The following OVCH1 variants were observed in gnomAD, a reference collection of about 807,000 sequenced individuals.
OVCH1 encodes ovochymase 1.
A neutral mutation model predicts 138.4 loss-of-function variants in OVCH1; 139 were observed. The observed-to-expected ratio is 1.00, with a 90% CI of 0.87 to 1.16. The LOEUF (loss-of-function observed/expected upper bound fraction) is 1.16. OVCH1 is among the 50% of genes most tolerant of loss of function. The probability of loss-of-function intolerance (pLI) is 0.00; values close to 1 mark genes in which losing one functional copy is unlikely to be tolerated. For missense variants in OVCH1, 1,367 were observed against 1,357.9 expected, an observed-to-expected ratio of 1.01 and a Z score of -0.11; for synonymous variants, 453 against 467.8, an observed-to-expected ratio of 0.97 and a Z score of 0.41.
intron 12 of OVCH1, among the ~76,000 whole-genome samples, chr12:29,476,631 T>C (rs1942725636): frequency 6.6e-6 from 1 of 152,178 alleles, no homozygotes; most frequent in South Asian, 2.1e-4. Context: ...GTTTAATGTG[T>C]TCTGAAATAT....
chr12:29,497,525 T>C (rs1943451842), intron 1 of OVCH1, 98 bp downstream of exon 1: 5 of 1,411,400 alleles, frequency 3.5e-6, no homozygotes, highest in Admixed American at 2.0e-5. Flanking sequence ...GGTGTGGCTA[T>C]ACCACCCCGA....
Position 29,455,243 on chromosome 12 carries a change from A to G in OVCH1, c.2437+6T>C, listed in dbSNP as rs769609688. On this transcript the variant is annotated splice_donor_region_variant and intron_variant, in intron 20 of 27. Transcript: ENST00000318184. Reference sequence around the variant, plus strand: ...ATTGTTTTAATAACATTTGAAAACAATTTACCATTGATTTTTGATTGGATC... The same window carrying G: ...ATTGTTTTAATAACATTTGAAAACAGTTTACCATTGATTTTTGATTGGATC... 8 of 1,611,626 alleles carry G rather than the reference A, an allele frequency of 5.0e-6. No individual in the cohort carries two copies. The East Asian group carries it at 8.9e-5, about 18-fold the overall frequency.
At chr12:29,421,152 A>G (rs1402853403) in intron 3 of OVCH1, among the ~76,000 whole-genome samples, 1 of 152,226 alleles carries the variant, frequency 6.6e-6, no homozygotes, top group African/African-American at 2.4e-5. Context: ...GACATTGCAG[A>G]TGCAGCACAG....
chr12:29,426,447 A>G (rs1192371348), downstream of OVCH1, among the ~76,000 whole-genome samples: 1 of 152,214 alleles, frequency 6.6e-6, no homozygotes, highest in Non-Finnish European at 1.5e-5. Context: ...TGAGAAACTG[A>G]AAAGTCCCAA....
In OVCH1 at chr12:29,476,955, G is replaced by T. The variant is rs765075425; in HGVS notation, c.1377+147C>A. ...GAAAGTTTTCAAAACCACTCACAGA[G>T]ATTTCTTTTCAGAGTAAAAAAAAAT... On this transcript the variant is annotated intron_variant, in intron 12 of 27. Transcript: ENST00000318184. 10 of 978,112 alleles carry T rather than the reference G, an allele frequency of 1.0e-5. No homozygotes were observed. In the Middle Eastern group the frequency reaches 1.6e-3, roughly 159 times the overall value. The allele number at this position is 978,112 out of a possible 1,614,324, so 60.6% of individuals were successfully genotyped here.
chr12:29,430,903 C>T (rs1381304175), intron 27 of OVCH1: 1 of 518,418 alleles, frequency 1.9e-6, no homozygotes, highest in Non-Finnish European at 3.9e-6. Context: ...TTTCCCAGTA[C>T]CTCTAGCTGC....
Position 29,490,319 on chromosome 12 carries a change from A to G in OVCH1, c.551-548T>C, listed in dbSNP as rs1198614423. ...GCTGGTCTGGAACTGCTGGGCTCCC[A>G]TCTTCCTGCCTTGGCCTCCCAAAGT... On this transcript the variant is annotated intron_variant, in intron 5 of 27. Coordinates refer to ENST00000318184, the Ensembl canonical transcript of OVCH1. Among the ~76,000 whole-genome samples the G allele has an allele frequency of 2.6e-5, 4 of 152,112 alleles. No homozygotes were observed. The East Asian group carries it at 7.7e-4, about 29-fold the overall frequency.
chr12:29,415,289 CTG>C (rs931569967), intron 3 of OVCH1, among the ~76,000 whole-genome samples: 1 of 152,134 alleles, frequency 6.6e-6, no homozygotes, highest in Non-Finnish European at 1.5e-5. Context: ...GTAATGACGA[CTG>C]TGGATATTAG....
In OVCH1 at chr12:29,439,342, AT is replaced by A. The variant is rs748045012; in HGVS notation, c.3249del (p.Trp1084GlyfsTer9). 2 of 1,539,084 alleles carry A rather than the reference AT, an allele frequency of 1.3e-6. No individual in the cohort carries two copies. Among genetic ancestry groups the A allele is most frequent in the South Asian group, 2.6e-5 (2 of 77,048 alleles). On this transcript the variant is annotated frameshift_variant, in exon 26 of 28. Coordinates refer to ENST00000318184, the Ensembl canonical transcript of OVCH1. LOFTEE classifies it high-confidence loss of function. Reference sequence around the variant, plus strand: ...GAGTTACTCACCACTGAATTTTCCCATATATGCATGATATATGTGTTAATAA... The same window carrying A: ...GAGTTACTCACCACTGAATTTTCCCAATATGCATGATATATGTGTTAATAA...
chr12:29,407,622 T>C (rs1388263076), downstream of OVCH1, among the ~76,000 whole-genome samples: 3 of 152,042 alleles, frequency 2.0e-5, no homozygotes, highest in Admixed American at 6.6e-5. Flanking sequence ...GTTGTAGATA[T>C]GCAGCATTGT....
the OVCH1 span, among the ~76,000 whole-genome samples, chr12:29,404,954 G>A: frequency 6.9e-5 from 10 of 145,880 alleles, no homozygotes; most frequent in Non-Finnish European, 1.2e-4. Context: ...CCCAGGAGGC[G>A]GAGGTTGCAG....
intron 21 of OVCH1, among the ~76,000 whole-genome samples, chr12:29,454,610 G>T (rs1422776003): frequency 6.6e-6 from 1 of 152,118 alleles, no homozygotes; most frequent in Non-Finnish European, 1.5e-5. Flanking sequence ...TCAAGCACTG[G>T]TTCACAACCA....
At chr12:29,454,496 G>C (rs1213392679) in intron 21 of OVCH1, among the ~76,000 whole-genome samples, 2 of 152,088 alleles carry the variant, frequency 1.3e-5, no homozygotes, top group East Asian at 3.9e-4. Context: ...CGCTAGTCTT[G>C]GTCATCTCAT....
intron 27 of OVCH1, among the ~76,000 whole-genome samples, chr12:29,429,871 C>A (rs577460016): frequency 7.9e-5 from 12 of 152,170 alleles, no homozygotes; most frequent in Non-Finnish European, 1.5e-4. Flanking sequence ...CTGTAGCATA[C>A]TTTATTAATT....
chr12:29,464,415 G>T (rs1942243613), intron 18 of OVCH1, 92 bp downstream of exon 18: 1 of 1,304,336 alleles, frequency 7.7e-7, no homozygotes, highest in Non-Finnish European at 1.1e-6. Flanking sequence ...AAAGAAGAGG[G>T]GCTGAAGCGG....
chr12:29,453,447 C>T (rs2135948546), intron 21 of OVCH1, among the ~76,000 whole-genome samples: 1 of 152,226 alleles, frequency 6.6e-6, no homozygotes, highest in South Asian at 2.1e-4. Context: ...TTGTATTCCA[C>T]CTGACCTCAG....
At chr12:29,441,351 C>G (rs975004721) in intron 25 of OVCH1, among the ~76,000 whole-genome samples, 4 of 152,178 alleles carry the variant, frequency 2.6e-5, no homozygotes, top group African/African-American at 7.2e-5. Flanking sequence ...ACAAACCTGA[C>G]AAAAACAAGC....
At chr12:29,440,811 A>G (rs1053281495) in intron 25 of OVCH1, 67 bp from the exon 26 acceptor site, 34 of 449,560 alleles carry the variant, frequency 7.6e-5, no homozygotes, top group African/African-American at 6.6e-4. Flanking sequence ...CTGAAGAATA[A>G]AAAAGACAGC....
At chr12:29,413,806 C>A (rs1468204020) in intron 3 of OVCH1, among the ~76,000 whole-genome samples, 2 of 152,146 alleles carry the variant, frequency 1.3e-5, no homozygotes, top group South Asian at 2.1e-4. Context: ...TTTATTTTTA[C>A]TGTTCTTAAA....
Sources: allele counts gnomAD v4.1 joint callset (sites outside exome capture counted in the v4.1 genomes callset), GRCh38; gene constraint gnomAD v4.1.1; transcripts MANE v1.5; gene names NCBI Gene and HGNC (gene_info 2026-07-23, HGNC 2026-07-21).